RTEL1: variants seen among roughly 807,000 people sequenced by gnomAD.
The protein encoded by RTEL1 is regulator of telomere length.
Under a neutral mutation model 162.2 loss-of-function variants are expected in RTEL1, and 86 were observed. That is an observed-to-expected ratio of 0.53 (90% confidence interval 0.45 to 0.63). RTEL1 has a LOEUF of 0.63. Among genes scored for constraint, RTEL1 ranks in the 30% least tolerant of loss-of-function variants. The pLI is 0.00. For missense variants in RTEL1, 1,941 were observed against 1,750.2 expected, an observed-to-expected ratio of 1.11 and a Z score of -1.95; for synonymous variants, 958 against 717.9, an observed-to-expected ratio of 1.33 and a Z score of -5.35.
At chr20:63,685,915 G>C (rs1408803498) in intron 16 of RTEL1, 43 bp downstream of exon 16, 8 of 1,567,738 alleles carry the variant, frequency 5.1e-6, no homozygotes, top group Non-Finnish European at 7.0e-6. Flanking sequence ...CCCGGGTGCA[G>C]TGCCCGGCAC....
downstream of RTEL1, chr20:63,696,252 T>G: frequency 3.6e-6 from 1 of 280,324 alleles, no homozygotes; most frequent in East Asian, 6.9e-5. Context: ...CCCAGGACGG[T>G]GTCTTCGTGG....
In RTEL1 at chr20:63,692,810, G is replaced by T. The variant is rs775722854; in HGVS notation, c.2658G>T (p.Glu886Asp). 1.3e-5 allele frequency: 21 copies of T among 1,610,376 alleles called. No homozygotes were observed. The East Asian group carries it at 1.3e-4, about 10-fold the overall frequency. The change falls in exon 29 of 35, where the codon GAG (glutamate) becomes GAT (aspartate). Residue 886 changes from glutamate (E) to aspartate (D), a missense_variant. By Grantham distance (45) the Glu-to-Asp change is conservative. Transcript: ENST00000360203. ...CTCGGGCCTGTGTCCTGCAGGAGGA[G>T]CCCGTGGCTGGTGCACAGACGGACA... ...KKIRLVSHPE[E>D]PVAGAQTDRA...
In RTEL1 at chr20:63,695,239, C is replaced by T. The variant is rs776332584; in HGVS notation, c.3499+18C>T. 1.1e-5 allele frequency: 17 copies of T among 1,609,272 alleles called. No individual in the cohort carries two copies. Among genetic ancestry groups the T allele is most frequent in the Non-Finnish European group, 1.4e-5 (17 of 1,177,974 alleles). On this transcript the variant is annotated intron_variant, in intron 33 of 34. Transcript: ENST00000360203. The stretch of plus-strand genomic sequence containing the variant: ...CCAACCAGGTAGGGCACCTGCCTGG[C>T]TGCTCCTGGCAGCGCCCCAACCGCA...
Position 63,662,813 on chromosome 20 carries a change from G to A in RTEL1, c.478-16G>A. The A allele has an allele frequency of 6.2e-7, 1 of 1,613,702 alleles. No homozygotes were observed. Among genetic ancestry groups the A allele is most frequent in the Non-Finnish European group, 8.5e-7 (1 of 1,179,970 alleles). On this transcript the variant is annotated splice_polypyrimidine_tract_variant and intron_variant, in intron 5 of 34. Coordinates refer to ENST00000360203, the MANE Select transcript of RTEL1 (RefSeq NM_001283009.2). ...TGGCCGTGCTTCAGCTGCGCACTCT[G>A]CCCTTCCTCCCACAGATCCACTTGT...
In RTEL1 at chr20:63,690,309, C is replaced by T; in HGVS notation, c.2281C>T (p.Pro761Ser). ...VAERTMPAPA[P>S]RATAPSVRGE... is the part of the protein sequence containing the mutation. ...GGTTCTGCAGATGCCAGCGCCGGCC[C>T]CCCGGGCTACAGCACCCAGTGTGCG... Residue 761 changes from proline to serine, a missense_variant, in exon 26 of 35, where the codon CCC becomes TCC. Physicochemically the swap from Pro to Ser is moderately conservative, Grantham distance 74. Transcript: ENST00000360203. The T allele has an allele frequency of 6.8e-6, 11 of 1,608,038 alleles. No individual in the cohort carries two copies. The highest frequency in any genetic ancestry group is 1.7e-4 in the Middle Eastern group (1 of 6,036).
At chr20:63,692,361 G>A (rs1031052212) in intron 28 of RTEL1, 4 of 229,342 alleles carry the variant, frequency 1.7e-5, no homozygotes, top group South Asian at 6.4e-5. Context: ...TGCCTGGGCC[G>A]CCCCTGCCTT....
Position 63,662,538 on chromosome 20 carries a change from C to G in RTEL1, c.396-8C>G, listed in dbSNP as rs376116171. Reference sequence around the variant, plus strand: ...TCCTCCTCGACCCACGGTGCTCTCTCCCACCAGGCCTAAGGTGTGTGTGCT... The same window carrying G: ...TCCTCCTCGACCCACGGTGCTCTCTGCCACCAGGCCTAAGGTGTGTGTGCT... On this transcript the variant is annotated splice_polypyrimidine_tract_variant and splice_region_variant and intron_variant, in intron 4 of 34. Transcript: ENST00000360203. 3 of 1,613,970 alleles carry G rather than the reference C, an allele frequency of 1.9e-6. No individual in the cohort carries two copies. Among genetic ancestry groups the G allele is most frequent in the African/African-American group, 1.3e-5 (1 of 75,032 alleles).
At chr20:63,677,129 A>T (rs1256559577) in intron 10 of RTEL1, among the ~76,000 whole-genome samples, 1 of 151,834 alleles carries the variant, frequency 6.6e-6, no homozygotes, top group South Asian at 2.1e-4. Context: ...GATTTTTCAC[A>T]CTCATGTCCT....
intron 6 of RTEL1, among the ~76,000 whole-genome samples, chr20:63,663,861 C>T (rs554256221): frequency 1.3e-4 from 20 of 152,278 alleles, no homozygotes; most frequent in African/African-American, 3.6e-4. Flanking sequence ...GTATTTAGGG[C>T]GGCGCTCCCC....
intron 21 of RTEL1, chr20:63,688,826 T>G: frequency 3.1e-6 from 2 of 635,086 alleles, no homozygotes; most frequent in Non-Finnish European, 5.5e-6. Context: ...CCTGTCTGAG[T>G]AGCCCTAGTC....
At chr20:63,695,250 A>C in intron 33 of RTEL1, 29 bp downstream of exon 33, 1 of 1,608,682 alleles carries the variant, frequency 6.2e-7, no homozygotes, top group South Asian at 1.1e-5. Context: ...TGCTCCTGGC[A>C]GCGCCCCAAC....
intron 23 of RTEL1, 48 bp from the exon 24 acceptor site, chr20:63,689,702 G>T (rs368392716): frequency 2.5e-6 from 4 of 1,603,736 alleles, no homozygotes; most frequent in Non-Finnish European, 3.4e-6. Context: ...CTGAGCCCCC[G>T]CCCCGTGGCC....
intron 30 of RTEL1, 28 bp from the exon 31 acceptor site, chr20:63,694,344 G>A (rs1374732404): frequency 1.9e-6 from 2 of 1,027,490 alleles, no homozygotes; most frequent in Admixed American, 3.8e-5. Context: ...CTCTCGACCA[G>A]CTTTGTGGCT....
intron 7 of RTEL1, among the ~76,000 whole-genome samples, chr20:63,667,086 A>G (rs112453404): frequency 0.016 from 2,138 of 136,024 alleles, 16 homozygotes; most frequent in African/African-American, 0.028. Context: ...TGATCCGCCC[A>G]CCTCGGCCTC....
rs373897283 is a variant in RTEL1 at position 63,694,375 on chromosome 20, G to A, written c.2996G>A (p.Arg999Lys). ...RAQPVLDPTGRTAPDPKLTVS... is the reference protein window; with the variant it reads ...RAQPVLDPTGKTAPDPKLTVS... ...TGGCTCTACATCTCTTCATCAGGAA[G>A]AACGGCGCCGGATCCCAAGCTGACC... The change falls in exon 31 of 35, where the codon AGA becomes AAA. Residue 999 changes from arginine to lysine, a missense_variant. Coordinates refer to ENST00000360203, the MANE Select transcript of RTEL1 (RefSeq NM_001283009.2). 4.4e-6 allele frequency: 7 copies of A among 1,605,190 alleles called. No individual in the cohort carries two copies. The highest frequency in any genetic ancestry group is 6.0e-6 in the Non-Finnish European group (7 of 1,175,040).
chr20:63,684,555 G>A (rs1036526289), intron 14 of RTEL1, among the ~76,000 whole-genome samples: 5 of 152,094 alleles, frequency 3.3e-5, no homozygotes, highest in Admixed American at 2.6e-4. Context: ...AGGTTTCACC[G>A]TGTTAGCCAG....
chr20:63,694,682 G>T (rs1380432114), intron 31 of RTEL1, 59 bp from the exon 32 acceptor site: 5 of 1,429,080 alleles, frequency 3.5e-6, no homozygotes, highest in Admixed American at 2.1e-5. Context: ...CGGGCAGGGC[G>T]GTGGGACTCT....
At chr20:63,691,688 CCCCAG>C in intron 27 of RTEL1, 49 bp from the exon 28 acceptor site, 1 of 1,506,674 alleles carries the variant, frequency 6.6e-7, no homozygotes, top group Non-Finnish European at 9.2e-7. Context: ...TGCTTTGGGA[CCCCAG>C]AGTGTGTGGT....
In RTEL1 at chr20:63,695,374, G is replaced by A. The variant is rs774018403; in HGVS notation, c.3546G>A (p.Ser1182=). 60 of 1,548,416 alleles carry A rather than the reference G, an allele frequency of 3.9e-5. No homozygotes were observed. Among genetic ancestry groups the A allele is most frequent in the Admixed American group, 1.1e-4 (6 of 52,500 alleles). ...CCGGGAAGACCCAGAGCAAGATCTCGTCCTTCCTTAGACAGAGGCCAGCAG... is the reference window on the plus strand; with the variant it reads ...CCGGGAAGACCCAGAGCAAGATCTCATCCTTCCTTAGACAGAGGCCAGCAG... ...EKTGKTQSKI[S]SFLRQRPAGT... Residue 1182 remains serine, a synonymous_variant, in exon 34 of 35, where the codon TCG becomes TCA. Coordinates refer to ENST00000360203, the MANE Select transcript of RTEL1 (RefSeq NM_001283009.2).
Sources: allele counts gnomAD v4.1 joint callset (sites outside exome capture counted in the v4.1 genomes callset), GRCh38; gene constraint gnomAD v4.1.1; transcripts MANE v1.5; gene names NCBI Gene and HGNC (gene_info 2026-07-23, HGNC 2026-07-21).